Variants in TM9SF3 observed in about 807,000 individuals in gnomAD.
TM9SF3 encodes the protein transmembrane 9 superfamily member 3, also known as SM-11044-binding protein.
A neutral mutation model predicts 78.6 loss-of-function variants in TM9SF3; 14 were observed. That is an observed-to-expected ratio of 0.18 (90% confidence interval 0.12 to 0.28). The LOEUF is 0.28. Ranked by LOEUF, TM9SF3 falls within the 10% of genes least tolerant of loss-of-function variation. The probability of loss-of-function intolerance (pLI) is 1.00; values close to 1 mark genes in which losing one functional copy is unlikely to be tolerated. For synonymous variants in TM9SF3, 231 were observed against 241.7 expected (o/e 0.96, Z 0.41); for missense variants, 496 against 721.9 (o/e 0.69, Z 3.59).
chr10:96,563,336 C>T (rs1848332258), intron 3 of TM9SF3, among the ~76,000 whole-genome samples: 1 of 152,022 alleles, frequency 6.6e-6, no homozygotes, highest in African/African-American at 2.4e-5. Context: ...GTATTACAGG[C>T]GTGAGCCACC....
chr10:96,522,953 T>C (rs1022142006), intron 14 of TM9SF3, among the ~76,000 whole-genome samples: 2 of 151,870 alleles, frequency 1.3e-5, no homozygotes, highest in Admixed American at 1.3e-4. Context: ...TTTTTAACAA[T>C]TAGCCTCAAC....
chr10:96,544,032 T>A, intron 9 of TM9SF3, 44 bp downstream of exon 9: 2 of 1,579,918 alleles, frequency 1.3e-6, no homozygotes, highest in South Asian at 2.3e-5. Flanking sequence ...TCAGTTAGAA[T>A]GTGTATACTT....
rs754713185 is a variant in TM9SF3 at position 96,557,785 on chromosome 10, C to G, written c.660+1874G>C. ...TCCTTCAAGCTTTTGCTCAACAATCCATTTCAGAGGCTTACCTTGACTACA... is the reference window on the plus strand; with the variant it reads ...TCCTTCAAGCTTTTGCTCAACAATCGATTTCAGAGGCTTACCTTGACTACA... On this transcript the variant is annotated intron_variant, in intron 5 of 14. Coordinates refer to ENST00000371142, the MANE Select transcript of TM9SF3 (RefSeq NM_020123.4). Among the ~76,000 whole-genome samples the G allele has an allele frequency of 6.6e-4, 100 of 152,214 alleles. 3 individuals carry two copies. The highest frequency in any genetic ancestry group is 3.2e-4 in the Non-Finnish European group (22 of 68,042).
At position 96,522,008 on chromosome 10, in the gene TM9SF3, A is replaced by G. The variant is rs1320685689; in HGVS notation, c.*255T>C. The G allele has an allele frequency of 2.4e-6, 1 of 418,020 alleles. No homozygotes were observed. The highest frequency in any genetic ancestry group is 4.2e-6 in the Non-Finnish European group (1 of 236,440). The allele number at this position is 418,020 out of a possible 1,614,324, so 25.9% of individuals were successfully genotyped here. On this transcript the variant is annotated 3_prime_UTR_variant, in exon 15 of 15. Coordinates refer to ENST00000371142, the MANE Select transcript of TM9SF3 (RefSeq NM_020123.4). ...ATCTTTAATGAGCTAGTTTTTGGGA[A>G]GATTAGCCATGTACTGTAGTAATGC...
chr10:96,520,562 A>G lies in TM9SF3; in HGVS notation c.*1701T>C, dbSNP rs1483071155. 2.3e-5 allele frequency: 6 copies of G among 264,186 alleles called. No homozygotes were observed. Among genetic ancestry groups the G allele is most frequent in the Non-Finnish European group, 1.4e-5 (2 of 141,428 alleles). The allele number at this position is 264,186 out of a possible 1,614,324, so 16.4% of individuals were successfully genotyped here. ...TGAGTCTTTCTAAAAATAACAATAT[A>G]AAGTATTGTTTTAGGTGGTCATTTG... is the stretch of plus-strand genomic sequence containing the variant. On this transcript the variant is annotated 3_prime_UTR_variant, in exon 15 of 15. Coordinates refer to ENST00000371142, the MANE Select transcript of TM9SF3 (RefSeq NM_020123.4).
At position 96,518,619 on chromosome 10, in the gene TM9SF3, TTC is replaced by T. The variant is rs375690097; in HGVS notation, c.*3642_*3643del. On this transcript the variant is annotated 3_prime_UTR_variant, in exon 15 of 15. Transcript: ENST00000371142. Reference sequence around the variant, plus strand: ...TTTGTTTACTTTTGTCTTTGTAGATTTCTGTCTGCAGCTCCAGTAAGAATGCC... The same window carrying T: ...TTTGTTTACTTTTGTCTTTGTAGATTTGTCTGCAGCTCCAGTAAGAATGCC... 231 of 152,258 alleles carry T rather than the reference TTC, an allele frequency of 1.5e-3. 2 individuals are homozygous for T. The highest frequency in any genetic ancestry group is 5.4e-3 in the African/African-American group (226 of 41,570). 9.4% of individuals were successfully genotyped at this position (152,258 alleles called of 1,614,324 possible).
intron 1 of TM9SF3, among the ~76,000 whole-genome samples, chr10:96,577,173 C>T (rs769777014): frequency 2.2e-4 from 33 of 151,632 alleles, no homozygotes; most frequent in Non-Finnish European, 2.9e-4. Flanking sequence ...GCATGATTCA[C>T]CATGCTAACA....
At chr10:96,563,403 G>A (rs1432626846) in intron 3 of TM9SF3, among the ~76,000 whole-genome samples, 1 of 149,958 alleles carries the variant, frequency 6.7e-6, no homozygotes, top group Non-Finnish European at 1.5e-5. Flanking sequence ...ACAGAGTCTC[G>A]CTCTGTTGCT....
At chr10:96,551,219 T>C in intron 7 of TM9SF3, 26 bp downstream of exon 7, 2 of 1,571,888 alleles carry the variant, frequency 1.3e-6, no homozygotes, top group Middle Eastern at 1.7e-4. Flanking sequence ...AATAAAGACA[T>C]AATACAGTTA....
intron 5 of TM9SF3, among the ~76,000 whole-genome samples, chr10:96,556,153 G>C (rs1452978548): frequency 6.6e-6 from 1 of 152,090 alleles, no homozygotes; most frequent in African/African-American, 2.4e-5. Flanking sequence ...AAGAAACCTG[G>C]TGTCACAAAG....
chr10:96,572,256 C>G (rs957327905), intron 2 of TM9SF3, among the ~76,000 whole-genome samples: 14 of 152,044 alleles, frequency 9.2e-5, no homozygotes, highest in African/African-American at 3.4e-4. Context: ...TCATTTAAAC[C>G]TGACACTTCG....
At chr10:96,526,300 G>A (rs1001475356) in intron 14 of TM9SF3, among the ~76,000 whole-genome samples, 5 of 151,936 alleles carry the variant, frequency 3.3e-5, no homozygotes, top group African/African-American at 1.2e-4. Flanking sequence ...ACTACACTTG[G>A]TGCTTTACAC....
At chr10:96,527,663 C>T (rs1847853864) in intron 12 of TM9SF3, 167 bp from the exon 13 acceptor site, 1 of 578,462 alleles carries the variant, frequency 1.7e-6, no homozygotes, top group African/African-American at 1.9e-5. Flanking sequence ...AGGAAAACAT[C>T]TAAGAATTAG....
chr10:96,561,321 T>A (rs956543715), intron 4 of TM9SF3, among the ~76,000 whole-genome samples: 5 of 152,230 alleles, frequency 3.3e-5, no homozygotes, highest in Admixed American at 2.6e-4. Context: ...AATTTTTTCA[T>A]TAAGTTTAGT....
intron 8 of TM9SF3, among the ~76,000 whole-genome samples, chr10:96,545,387 G>A (rs1848085204): frequency 6.6e-6 from 1 of 152,056 alleles, no homozygotes; most frequent in South Asian, 2.1e-4. Flanking sequence ...CGTTCCTCCA[G>A]AAAAACTCCT....
At chr10:96,574,156 A>G (rs1848471081) in intron 2 of TM9SF3, among the ~76,000 whole-genome samples, 2 of 152,282 alleles carry the variant, frequency 1.3e-5, no homozygotes, top group African/African-American at 4.8e-5. Context: ...ATGGGAGAAA[A>G]TTTTTGCAAT....
chr10:96,564,501 G>A (rs1848347334), intron 3 of TM9SF3, among the ~76,000 whole-genome samples: 1 of 152,160 alleles, frequency 6.6e-6, no homozygotes, highest in Admixed American at 6.5e-5. Context: ...CAGTAATGAT[G>A]ATGCATATAA....
At chr10:96,524,478 A>G (rs1311779545) in intron 14 of TM9SF3, among the ~76,000 whole-genome samples, 1 of 151,826 alleles carries the variant, frequency 6.6e-6, no homozygotes, top group East Asian at 1.9e-4. Flanking sequence ...CGTACAAAAC[A>G]TTGTTCCCCT....
intron 6 of TM9SF3, among the ~76,000 whole-genome samples, chr10:96,551,699 T>A (rs539838915): frequency 1.3e-5 from 2 of 152,290 alleles, no homozygotes; most frequent in African/African-American, 4.8e-5. Flanking sequence ...GGGAGAACAG[T>A]GCACTGACTC....
Sources: gnomAD v4.1 joint callset for allele counts (sites outside exome capture counted in the v4.1 genomes callset) on GRCh38, gnomAD v4.1.1 for gene constraint, MANE v1.5 for transcripts, NCBI Gene and HGNC (gene_info 2026-07-23, HGNC 2026-07-21) for gene names.